The following NRG3 variants were observed in gnomAD, a reference collection of about 807,000 sequenced individuals.
NRG3 encodes neuregulin 3, also known as pro-neuregulin-3, membrane-bound isoform.
A neutral mutation model predicts 66.9 loss-of-function variants in NRG3; 31 were observed. The ratio of observed to expected loss-of-function variants is 0.46; its 90% CI spans 0.35 to 0.63. NRG3 has a LOEUF of 0.63. NRG3 is among the 20% of genes least tolerant of loss of function. The pLI is 0.00. For missense variants in NRG3, 910 were observed against 878.9 expected (o/e 1.04, Z -0.45); for synonymous variants, 393 against 359.4 (o/e 1.09, Z -1.06).
intron 1 of NRG3, among the ~76,000 whole-genome samples, chr10:82,276,763 A>C (rs537058105): frequency 6.6e-6 from 1 of 152,126 alleles, no homozygotes; most frequent in East Asian, 1.9e-4. Context: ...TTCAGGACAA[A>C]AAATGACATA....
intron 1 of NRG3, among the ~76,000 whole-genome samples, chr10:82,096,011 A>G (rs984721819): frequency 2.7e-4 from 41 of 152,194 alleles, no homozygotes; most frequent in African/African-American, 9.9e-4. Context: ...AATGTCATGA[A>G]AGTGAAAATC....
chr10:82,277,491 A>G (rs987995817), intron 1 of NRG3, among the ~76,000 whole-genome samples: 22 of 152,228 alleles, frequency 1.4e-4, no homozygotes, highest in African/African-American at 4.8e-4. Context: ...AAGAATCTCT[A>G]CTTGGGGGAT....
chr10:82,847,716 G>T (rs1410408725), intron 3 of NRG3, among the ~76,000 whole-genome samples: 1 of 152,072 alleles, frequency 6.6e-6, no homozygotes, highest in Non-Finnish European at 1.5e-5. Flanking sequence ...ATTTATTTAG[G>T]GCACCGACCA....
chr10:82,456,431 T>C (rs918368958), intron 2 of NRG3, among the ~76,000 whole-genome samples: 2 of 152,130 alleles, frequency 1.3e-5, no homozygotes, highest in Admixed American at 1.3e-4. Context: ...CATCCCAAAT[T>C]GCTGGGATTA....
intron 2 of NRG3, among the ~76,000 whole-genome samples, chr10:82,555,417 T>TA (rs2044586925): frequency 6.6e-6 from 1 of 152,174 alleles, no homozygotes; most frequent in Non-Finnish European, 1.5e-5. Context: ...CTAATAATCT[T>TA]ACCACAATTG....
At chr10:82,122,942 G>A (rs1315724759) in intron 1 of NRG3, among the ~76,000 whole-genome samples, 1 of 151,460 alleles carries the variant, frequency 6.6e-6, no homozygotes, top group Non-Finnish European at 1.5e-5. Context: ...AATCTGCTCT[G>A]TGTTACCTGC....
intron 4 of NRG3, among the ~76,000 whole-genome samples, chr10:82,898,592 C>A (rs1338021767): frequency 1.3e-5 from 2 of 152,034 alleles, no homozygotes; most frequent in Non-Finnish European, 2.9e-5. Context: ...ATGCTCTTGT[C>A]AAGAGGAAAT....
At chr10:82,743,106 CT>C (rs905634462) in intron 3 of NRG3, among the ~76,000 whole-genome samples, 1 of 152,136 alleles carries the variant, frequency 6.6e-6, no homozygotes, top group Admixed American at 6.5e-5. Context: ...CTACCCCACC[CT>C]GTGCCTTTCT....
At chr10:82,193,259 C>T (rs2074262033) in intron 1 of NRG3, among the ~76,000 whole-genome samples, 1 of 152,158 alleles carries the variant, frequency 6.6e-6, no homozygotes, top group Admixed American at 6.5e-5. Flanking sequence ...TCTCCTCCCT[C>T]AGCCTCCTGA....
chr10:82,225,183 T>C (rs546740049), intron 1 of NRG3, among the ~76,000 whole-genome samples: 18 of 152,142 alleles, frequency 1.2e-4, no homozygotes, highest in African/African-American at 3.6e-4. Context: ...TGTGGGGAAA[T>C]AGAAGACAAA....
At chr10:82,978,195 G>C (rs1427288981) in intron 7 of NRG3, among the ~76,000 whole-genome samples, 1 of 152,094 alleles carries the variant, frequency 6.6e-6, no homozygotes, top group Non-Finnish European at 1.5e-5. Flanking sequence ...ATCAGCAATG[G>C]ATTTTTATAG....
chr10:82,522,100 G>A (rs1846254549), intron 2 of NRG3, among the ~76,000 whole-genome samples: 1 of 147,558 alleles, frequency 6.8e-6, no homozygotes. Flanking sequence ...CTGGAGTGCG[G>A]TGGTGCAATC....
chr10:82,355,650 G>A (rs373831250), intron 1 of NRG3, among the ~76,000 whole-genome samples: 41 of 152,228 alleles, frequency 2.7e-4, no homozygotes, highest in South Asian at 1.7e-3. Context: ...TAGCAACCTC[G>A]TGAGTTTATT....
At chr10:82,487,072 G>A (rs1218620018) in intron 2 of NRG3, among the ~76,000 whole-genome samples, 2 of 148,028 alleles carry the variant, frequency 1.4e-5, no homozygotes, top group African/African-American at 2.5e-5. Flanking sequence ...TATAATATAT[G>A]TATATATAAT....
intron 2 of NRG3, among the ~76,000 whole-genome samples, chr10:82,672,489 G>A (rs1414306693): frequency 6.6e-6 from 1 of 152,194 alleles, no homozygotes; most frequent in East Asian, 1.9e-4. Context: ...AGGGGCTAAT[G>A]TCAATGTGGA....
At chr10:82,356,829 G>A (rs935503141) in intron 1 of NRG3, among the ~76,000 whole-genome samples, 12 of 152,186 alleles carry the variant, frequency 7.9e-5, no homozygotes, top group East Asian at 7.7e-4. Context: ...TACAAAATGC[G>A]TTAACTTTTA....
At chr10:82,405,623 C>G (rs2087460458) in intron 2 of NRG3, among the ~76,000 whole-genome samples, 1 of 151,830 alleles carries the variant, frequency 6.6e-6, no homozygotes, top group Non-Finnish European at 1.5e-5. Context: ...GTGCATCACC[C>G]CACCTGGCTA....
intron 2 of NRG3, among the ~76,000 whole-genome samples, chr10:82,499,152 A>G (rs1280773916): frequency 6.6e-6 from 1 of 152,196 alleles, no homozygotes; most frequent in African/African-American, 2.4e-5. Context: ...ATTCAGCTGG[A>G]AAAAGAATTC....
At chr10:82,434,090 GT>G (rs1276615881) in intron 2 of NRG3, among the ~76,000 whole-genome samples, 5 of 152,024 alleles carry the variant, frequency 3.3e-5, no homozygotes, top group African/African-American at 1.2e-4. Context: ...AGGATGGAAT[GT>G]TTTTTCCATT....
Sources: allele counts gnomAD v4.1 joint callset (sites outside exome capture counted in the v4.1 genomes callset), GRCh38; gene constraint gnomAD v4.1.1; transcripts MANE v1.5; gene names NCBI Gene and HGNC (gene_info 2026-07-23, HGNC 2026-07-21).